C11orf97: variants seen among roughly 807,000 people sequenced by gnomAD.
C11orf97 encodes chromosome 11 open reading frame 97.
Under a neutral mutation model 16.2 loss-of-function variants are expected in C11orf97, and 15 were observed. That is an observed-to-expected ratio of 0.93 (90% CI 0.62 to 1.43). The LOEUF (loss-of-function observed/expected upper bound fraction) is 1.43, where lower values mean the gene tolerates loss of function less well. Ranked by LOEUF, C11orf97 falls within the 40% of genes most tolerant of loss-of-function variation. The probability of loss-of-function intolerance (pLI) is 0.00; values close to 1 mark genes in which losing one functional copy is unlikely to be tolerated. For synonymous variants in C11orf97, 61 were observed against 65.7 expected, an observed-to-expected ratio of 0.93 and a Z score of 0.34; for missense variants, 171 against 161.2, an observed-to-expected ratio of 1.06 and a Z score of -0.33.
Position 94,517,572 on chromosome 11 carries a change from T to G in C11orf97, c.146-11T>G. ...TATACTAAGTAATTGATTTTGTTAA[T>G]GCCTTTATAGGGAAGAAATTTTTAT... On this transcript the variant is annotated splice_polypyrimidine_tract_variant and intron_variant, in intron 1 of 3. Coordinates refer to ENST00000542198, the MANE Select transcript of C11orf97 (RefSeq NM_001190462.2). The G allele has an allele frequency of 6.8e-7, 1 of 1,470,908 alleles. No individual in the cohort carries two copies. The highest frequency in any genetic ancestry group is 9.1e-7 in the Non-Finnish European group (1 of 1,100,136). 91.1% of individuals were successfully genotyped at this position (1,470,908 alleles called of 1,614,324 possible).
In C11orf97 at chr11:94,532,028, T is replaced by C; in HGVS notation, c.*128T>C. On this transcript the variant is annotated 3_prime_UTR_variant, in exon 4 of 4. Coordinates refer to ENST00000542198, the MANE Select transcript of C11orf97 (RefSeq NM_001190462.2). ...AATGATAGCCTGTAATTACTATTAT[T>C]GGTATTAATACCTATCTATAAATTA... The C allele has an allele frequency of 1.5e-6, 1 of 654,884 alleles. No homozygotes were observed. The highest frequency in any genetic ancestry group is 2.4e-6 in the Non-Finnish European group (1 of 418,110). The allele number at this position is 654,884 out of a possible 1,614,324, so 40.6% of individuals were successfully genotyped here. A position where few individuals can be genotyped will look rare whatever the true frequency, so the allele number is the denominator to read the frequency against.
chr11:94,514,912 T>C (rs1947599957), intron 1 of C11orf97, among the ~76,000 whole-genome samples: 1 of 152,076 alleles, frequency 6.6e-6, no homozygotes, highest in Non-Finnish European at 1.5e-5. Context: ...CCCAAAATGT[T>C]GGGATTACAG....
At chr11:94,525,314 C>T (rs557888) in intron 2 of C11orf97, among the ~76,000 whole-genome samples, 48,616 of 151,888 alleles carry the variant, frequency 0.32, 7,895 homozygotes, top group Non-Finnish European at 0.34. Context: ...ACTTATTAAT[C>T]TTCCCCTTAC....
In C11orf97 at chr11:94,528,126, T is replaced by C. The variant is rs1226164603; in HGVS notation, c.293T>C (p.Val98Ala). The C allele has an allele frequency of 1.4e-5, 21 of 1,535,606 alleles. No individual in the cohort carries two copies. In the East Asian group the frequency reaches 4.6e-4, roughly 34 times the overall value. ...GIWSIKRNLPVGGLKPGLPSR... is the reference protein window; with the variant it reads ...GIWSIKRNLPAGGLKPGLPSR... ...TGGAGCATTAAAAGGAATCTGCCTG[T>C]GGGAGGCTTGAAGCCAGGACTGCCG... Residue 98 changes from valine (V) to alanine (A), a missense_variant, in exon 3 of 4, where the codon GTG becomes GCG. Val to Ala is a moderately conservative substitution (Grantham distance 64, BLOSUM62 0). Transcript: ENST00000542198.
Position 94,512,586 on chromosome 11 carries a change from GAA to G in C11orf97, c.59_60del (p.Glu20GlyfsTer36). ...AGTGGTGGCGCCCAAGGCGGGTCGC[GAA>G]GAGGAGCAGCCTCCTCCGCCAGCAG... is the stretch of plus-strand genomic sequence containing the variant. ...TAVVAPKAGR[E>X]EEQPPPPAGL... On this transcript the variant is annotated frameshift_variant, in exon 1 of 4. Coordinates refer to ENST00000542198, the MANE Select transcript of C11orf97 (RefSeq NM_001190462.2). LOFTEE classifies it high-confidence loss of function. 7.7e-7 allele frequency: 1 copy of G among 1,290,392 alleles called. No homozygotes were observed. Among genetic ancestry groups the G allele is most frequent in the Non-Finnish European group, 9.8e-7 (1 of 1,019,090 alleles). 79.9% of individuals were successfully genotyped at this position (1,290,392 alleles called of 1,614,324 possible). A position where few individuals can be genotyped will look rare whatever the true frequency, so the allele number is the denominator to read the frequency against.
At chr11:94,514,937 G>A (rs570526370) in intron 1 of C11orf97, among the ~76,000 whole-genome samples, 31 of 152,126 alleles carry the variant, frequency 2.0e-4, no homozygotes, top group African/African-American at 6.7e-4. Context: ...GAGCCACCGC[G>A]CCTGGCCAAT....
At chr11:94,512,739 T>C (rs1040306949) in intron 1 of C11orf97, 66 bp downstream of exon 1, 40 of 1,231,492 alleles carry the variant, frequency 3.2e-5, no homozygotes, top group Non-Finnish European at 4.0e-5. Context: ...GACAGGGCAA[T>C]TGGGGGAAAC....
At chr11:94,515,178 T>C (rs370312675) in intron 1 of C11orf97, among the ~76,000 whole-genome samples, 20 of 152,202 alleles carry the variant, frequency 1.3e-4, no homozygotes, top group African/African-American at 4.6e-4. Flanking sequence ...TTTAGTTTTA[T>C]GACTCAAGGA....
chr11:94,531,861 A>G, intron 3 of C11orf97, 35 bp from the exon 4 acceptor site: 1 of 1,408,100 alleles, frequency 7.1e-7, no homozygotes, highest in South Asian at 1.4e-5. Flanking sequence ...CCCGAAGTAA[A>G]ACACTTATTT....
intron 1 of C11orf97, among the ~76,000 whole-genome samples, chr11:94,516,163 C>A (rs1455705338): frequency 2.0e-5 from 3 of 152,178 alleles, no homozygotes; most frequent in Non-Finnish European, 4.4e-5. Context: ...GACCTGGGAT[C>A]ACTGCCGGAA....
chr11:94,514,726 C>T (rs993055456), intron 1 of C11orf97, among the ~76,000 whole-genome samples: 4 of 142,134 alleles, frequency 2.8e-5, no homozygotes, highest in Admixed American at 7.4e-5. Context: ...CTCACCGCAA[C>T]TTCCCCTTCC....
At chr11:94,518,503 A>G (rs1947631748) in intron 2 of C11orf97, among the ~76,000 whole-genome samples, 1 of 152,162 alleles carries the variant, frequency 6.6e-6, no homozygotes, top group African/African-American at 2.4e-5. Context: ...GACTCAGCAG[A>G]ACCTAAGTCA....
In C11orf97 at chr11:94,532,001, A is replaced by G; in HGVS notation, c.*101A>G. 1 of 933,708 alleles carries G rather than the reference A, an allele frequency of 1.1e-6. No individual in the cohort carries two copies. The highest frequency in any genetic ancestry group is 2.9e-5 in the East Asian group (1 of 34,376). The allele number at this position is 933,708 out of a possible 1,614,324, so 57.8% of individuals were successfully genotyped here. A position where few individuals can be genotyped will look rare whatever the true frequency, so the allele number is the denominator to read the frequency against. ...TTTCAGGATTTAAGATGTGTGCAAA[A>G]AAATGATAGCCTGTAATTACTATTA... is the stretch of plus-strand genomic sequence containing the variant. On this transcript the variant is annotated 3_prime_UTR_variant, in exon 4 of 4. Coordinates refer to ENST00000542198, the MANE Select transcript of C11orf97 (RefSeq NM_001190462.2).
intron 2 of C11orf97, among the ~76,000 whole-genome samples, chr11:94,526,813 A>G (rs1335046457): frequency 6.6e-6 from 1 of 152,158 alleles, no homozygotes; most frequent in Non-Finnish European, 1.5e-5. Flanking sequence ...ATCTTCCTTG[A>G]AGGTCTTTGA....
intron 2 of C11orf97, among the ~76,000 whole-genome samples, chr11:94,525,602 A>G (rs1947694824): frequency 6.6e-6 from 1 of 152,200 alleles, no homozygotes; most frequent in Non-Finnish European, 1.5e-5. Flanking sequence ...CACCCAAAAT[A>G]TAGGAGGAAT....
rs753569316 is a variant in C11orf97 at position 94,528,150 on chromosome 11, C to T, written c.317C>T (p.Pro106Leu). The change falls in exon 3 of 4, where the codon CCG becomes CTG. Residue 106 changes from proline (P) to leucine (L), a missense_variant. Physicochemically the swap from Pro to Leu is moderately conservative, Grantham distance 98. Transcript: ENST00000542198. ...LPVGGLKPGL[P>L]SRNSLLPQAK... ...GTGGGAGGCTTGAAGCCAGGACTGC[C>T]GAGCAGAAACAGTTTATTGCCACAA... The T allele has an allele frequency of 7.8e-6, 12 of 1,535,802 alleles. No homozygotes were observed. The African/African-American group carries it at 8.2e-5, about 11-fold the overall frequency.
chr11:94,524,566 G>A (rs1947684316), intron 2 of C11orf97, among the ~76,000 whole-genome samples: 1 of 112,074 alleles, frequency 8.9e-6, no homozygotes, highest in Admixed American at 1.2e-4. Context: ...GTGTCTACTT[G>A]AAAAGGTTAA....
chr11:94,514,640 CTTTT>C (rs10562282), intron 1 of C11orf97, among the ~76,000 whole-genome samples: 1 of 82,468 alleles, frequency 1.2e-5, no homozygotes, highest in Non-Finnish European at 2.4e-5. Flanking sequence ...TTATTTTTGC[CTTTT>C]TTTTTTTTTT....
intron 1 of C11orf97, among the ~76,000 whole-genome samples, chr11:94,516,441 T>C (rs1310021063): frequency 3.9e-5 from 6 of 152,210 alleles, no homozygotes; most frequent in African/African-American, 1.2e-4. Flanking sequence ...ACACAGTCTT[T>C]AGTTAGAGCT....
Sources: gnomAD v4.1 joint callset for allele counts (sites outside exome capture counted in the v4.1 genomes callset) on GRCh38, gnomAD v4.1.1 for gene constraint, MANE v1.5 for transcripts, NCBI Gene and HGNC (gene_info 2026-07-23, HGNC 2026-07-21) for gene names.